The following CLEC4F variants were observed in gnomAD, a reference collection of about 807,000 sequenced individuals.
CLEC4F encodes C-type (calcium dependent, carbohydrate-recognition domain) lectin, superfamily member 13.
Under a neutral mutation model 53.4 loss-of-function variants are expected in CLEC4F, and 45 were observed. The observed-to-expected ratio is 0.84, with a 90% confidence interval of 0.66 to 1.08. The LOEUF (loss-of-function observed/expected upper bound fraction) is 1.08, where lower values mean the gene tolerates loss of function less well. CLEC4F is among the 50% of genes least tolerant of loss of function. CLEC4F has a pLI of 0.00. For missense variants in CLEC4F, 753 were observed against 698.2 expected, an observed-to-expected ratio of 1.08 and a Z score of -0.88; for synonymous variants, 245 against 257.5, an observed-to-expected ratio of 0.95 and a Z score of 0.46.
At chr2:70,821,793 A>G (rs1421016893), upstream of CLEC4F, among the ~76,000 whole-genome samples, 3 of 152,176 alleles carry the variant, frequency 2.0e-5, no homozygotes, top group African/African-American at 7.2e-5. Flanking sequence ...ATCATAAGTC[A>G]ATGCAGCCTT....
intron 5 of CLEC4F, chr2:70,811,045 C>T: frequency 1.5e-6 from 1 of 647,794 alleles, no homozygotes; most frequent in Non-Finnish European, 2.9e-6. Flanking sequence ...GCTAACCCTG[C>T]TGGGAAAATA....
chr2:70,809,494 T>C, intron 6 of CLEC4F, 112 bp from the exon 7 acceptor site: 1 of 1,177,060 alleles, frequency 8.5e-7, no homozygotes, highest in Non-Finnish European at 1.2e-6. Flanking sequence ...GTGAGAGCGA[T>C]GACCACACCT....
Position 70,812,448 on chromosome 2 carries a change from T to G in CLEC4F, c.1538A>C (p.Gln513Pro). Residue 513 changes from glutamine to proline, a missense_variant and splice_region_variant, in exon 5 of 7, where the codon CAG becomes CCG. Coordinates refer to ENST00000272367, the MANE Select transcript of CLEC4F (RefSeq NM_173535.3). The part of the protein sequence containing the change: ...HLASVASKEE[Q>P]AFLVEFTSKV... ...ACACCCCATGCTCGCAGCTCTGACC[T>G]GCTCCTCCTTGGAGGCCACAGATGC... is the stretch of plus-strand genomic sequence containing the variant. 1 of 1,613,972 alleles carries G rather than the reference T, an allele frequency of 6.2e-7. No individual in the cohort carries two copies. The highest frequency in any genetic ancestry group is 8.5e-7 in the Non-Finnish European group (1 of 1,180,002).
Position 70,808,865 on chromosome 2 carries a change from G to A in CLEC4F, c.*406C>T, listed in dbSNP as rs549216780. On this transcript the variant is annotated 3_prime_UTR_variant, in exon 7 of 7. Transcript: ENST00000272367. ...AGAACAAGCAGAGCTCAGAGGCTCC[G>A]AAGGCATCGAGGAGGAGGGTCAGTA... The A allele has an allele frequency of 2.3e-5, 13 of 577,642 alleles. No individual in the cohort carries two copies. Among genetic ancestry groups the A allele is most frequent in the African/African-American group, 1.1e-4 (6 of 53,360 alleles). The allele number at this position is 577,642 out of a possible 1,614,324, so 35.8% of individuals were successfully genotyped here.
At chr2:70,820,353 A>AG (rs1677169752) in intron 1 of CLEC4F, 110 bp downstream of exon 1, 1 of 912,534 alleles carries the variant, frequency 1.1e-6, no homozygotes, top group Non-Finnish European at 1.6e-6. Context: ...CCCAAGGACA[A>AG]GGGTCTGGGG....
chr2:70,819,711 C>A (rs1553397407), intron 2 of CLEC4F, 64 bp downstream of exon 2: 9 of 1,217,044 alleles, frequency 7.4e-6, no homozygotes, highest in Admixed American at 2.1e-5. Flanking sequence ...GCATCTGGGG[C>A]CCCTGGGGAC....
rs550175378 is a variant in CLEC4F at position 70,812,341 on chromosome 2, A to C, written c.1539+106T>G. ...ATTTGCTCCCTGCCTGGCAGAGGAGACATGGAGGTCTCCGTCATACCCACT... is the reference window on the plus strand; with the variant it reads ...ATTTGCTCCCTGCCTGGCAGAGGAGCCATGGAGGTCTCCGTCATACCCACT... On this transcript the variant is annotated intron_variant, in intron 5 of 6. Coordinates refer to ENST00000272367, the MANE Select transcript of CLEC4F (RefSeq NM_173535.3). 81 of 1,224,864 alleles carry C rather than the reference A, an allele frequency of 6.6e-5. 1 individual carries two copies. The South Asian group carries it at 1.2e-3, about 18-fold the overall frequency. 75.9% of individuals were successfully genotyped at this position (1,224,864 alleles called of 1,614,324 possible). A position where few individuals can be genotyped will look rare whatever the true frequency, so the allele number is the denominator to read the frequency against.
intron 5 of CLEC4F, among the ~76,000 whole-genome samples, chr2:70,810,618 CAAAAAAAAA>C (rs58138583): frequency 4.1e-5 from 2 of 48,826 alleles, no homozygotes; most frequent in African/African-American, 6.4e-5. Context: ...AACTCTGTCG[CAAAAAAAAA>C]AAAAAAAAAA....
At chr2:70,811,991 G>C (rs1410462489) in intron 5 of CLEC4F, among the ~76,000 whole-genome samples, 1 of 152,162 alleles carries the variant, frequency 6.6e-6, no homozygotes, top group African/African-American at 2.4e-5. Context: ...CCTACTCAGT[G>C]GGCTGAGGTG....
intron 4 of CLEC4F, among the ~76,000 whole-genome samples, chr2:70,813,108 G>A (rs1676653633): frequency 6.6e-6 from 1 of 152,202 alleles, no homozygotes; most frequent in Non-Finnish European, 1.5e-5. Context: ...AATTCTGTCA[G>A]CTCTTTCTTC....
intron 3 of CLEC4F, among the ~76,000 whole-genome samples, chr2:70,818,810 A>T (rs1553397074): frequency 6.6e-6 from 1 of 151,538 alleles, no homozygotes; most frequent in East Asian, 1.9e-4. Context: ...CACATACGAG[A>T]TCATGAGAAT....
chr2:70,815,446 T>C (rs1676839957), intron 4 of CLEC4F, among the ~76,000 whole-genome samples: 1 of 152,186 alleles, frequency 6.6e-6, no homozygotes, highest in Non-Finnish European at 1.5e-5. Context: ...AAGTCTGTAC[T>C]ACTAGCCTGT....
At chr2:70,810,864 A>G in intron 5 of CLEC4F, 1 of 552,576 alleles carries the variant, frequency 1.8e-6, no homozygotes, top group Non-Finnish European at 3.5e-6. Flanking sequence ...CAATCAGGTT[A>G]TCCTTGGACA....
At chr2:70,810,057 T>A (rs1676464321) in intron 5 of CLEC4F, among the ~76,000 whole-genome samples, 200 bp from the exon 6 acceptor site, 1 of 152,146 alleles carries the variant, frequency 6.6e-6, no homozygotes, top group African/African-American at 2.4e-5. Flanking sequence ...TTTTTTAGGA[T>A]ATCTAAACTC....
intron 3 of CLEC4F, among the ~76,000 whole-genome samples, chr2:70,818,811 T>C (rs998432553): frequency 2.7e-5 from 4 of 149,304 alleles, no homozygotes; most frequent in Admixed American, 1.3e-4. Flanking sequence ...ACATACGAGA[T>C]CATGAGAATA....
chr2:70,811,421 C>T, intron 5 of CLEC4F: 1 of 634,234 alleles, frequency 1.6e-6, no homozygotes, highest in South Asian at 1.4e-5. Flanking sequence ...TATCCTGTGC[C>T]TTGGTGCCCT....
upstream of CLEC4F, among the ~76,000 whole-genome samples, chr2:70,821,776 T>G (rs1553398093): frequency 6.6e-6 from 1 of 152,142 alleles, no homozygotes; most frequent in Non-Finnish European, 1.5e-5. Flanking sequence ...TGGAGTGCAG[T>G]GGTACGATCA....
intron 4 of CLEC4F, among the ~76,000 whole-genome samples, chr2:70,813,619 C>CTTTCTTT (rs1553395009): frequency 1.1e-4 from 12 of 109,976 alleles, no homozygotes; most frequent in Non-Finnish European, 3.9e-5. Flanking sequence ...TTCTTTCTTT[C>CTTTCTTT]TTTCTTTCTT....
rs1553396321 is a variant in CLEC4F, at chr2:70,816,813, C to G, written c.568G>C (p.Ala190Pro). The G allele has an allele frequency of 6.2e-7, 1 of 1,613,944 alleles. No homozygotes were observed. ...AGCGTCTGGAAAGTTAAAGCATCTG[C>G]CTTTTCAAGGTCTTCCTTGAGCCTC... is the stretch of plus-strand genomic sequence containing the variant. ...IQRLKEDLEK[A>P]DALTFQTLNF... Residue 190 changes from alanine to proline, a missense_variant, in exon 4 of 7, where the codon GCA (alanine) becomes CCA (proline). Ala to Pro is a conservative substitution (Grantham distance 27). Transcript: ENST00000272367.
Sources: allele counts gnomAD v4.1 joint callset (sites outside exome capture counted in the v4.1 genomes callset), GRCh38; gene constraint gnomAD v4.1.1; transcripts MANE v1.5; gene names NCBI Gene and HGNC (gene_info 2026-07-23, HGNC 2026-07-21).